MMS22L: variants seen among roughly 807,000 people sequenced by gnomAD.
MMS22L encodes protein MMS22-like.
In MMS22L, 74 loss-of-function variants were observed where a neutral mutation model predicts 159.1. That is an observed-to-expected ratio of 0.47 (90% CI 0.39 to 0.56). MMS22L has a LOEUF of 0.56. MMS22L is among the 20% of genes least tolerant of loss of function. MMS22L has a pLI of 0.00. For missense variants in MMS22L, 1,351 were observed against 1,422.1 expected (o/e 0.95, Z 0.80); for synonymous variants, 517 against 506.9 (o/e 1.02, Z -0.27).
intron 14 of MMS22L, among the ~76,000 whole-genome samples, chr6:97,198,430 T>C (rs2128296712): frequency 6.6e-6 from 1 of 152,282 alleles, no homozygotes; most frequent in East Asian, 1.9e-4. Context: ...TGCCCTTGGC[T>C]TTTCAAAGTC....
intron 9 of MMS22L, among the ~76,000 whole-genome samples, chr6:97,257,706 C>A (rs564772361): frequency 1.3e-5 from 2 of 152,260 alleles, no homozygotes; most frequent in South Asian, 4.2e-4. Context: ...GGGTTACAGG[C>A]ATGAGCCACC....
intron 22 of MMS22L, among the ~76,000 whole-genome samples, chr6:97,157,561 C>T (rs904967827): frequency 8.5e-5 from 13 of 152,162 alleles, no homozygotes; most frequent in Admixed American, 8.5e-4. Context: ...GCCTTTTCTG[C>T]ATCTATTGAG....
Position 97,229,171 on chromosome 6 carries a change from T to A in MMS22L, c.1762A>T (p.Ile588Phe), listed in dbSNP as rs545356400. 1 of 1,614,094 alleles carries A rather than the reference T, an allele frequency of 6.2e-7. No individual in the cohort carries two copies. The highest frequency in any genetic ancestry group is 1.3e-5 in the African/African-American group (1 of 75,036). ...GAAAATTTCTCAGCCAAAACACCAATGTCCAGATTTTTCTGGGCATACATC... is the reference window on the plus strand; with the variant it reads ...GAAAATTTCTCAGCCAAAACACCAAAGTCCAGATTTTTCTGGGCATACATC... ...LLMYAQKNLD[I>F]GVLAEKFSCA... Residue 588 changes from isoleucine (I) to phenylalanine (F), a missense_variant, in exon 14 of 25, where the codon ATT becomes TTT. Coordinates refer to ENST00000683635, the MANE Select transcript of MMS22L (RefSeq NM_001350599.2).
intron 24 of MMS22L, among the ~76,000 whole-genome samples, chr6:97,149,607 T>C (rs149562171): frequency 1.3e-5 from 2 of 152,318 alleles, no homozygotes; most frequent in East Asian, 3.9e-4. Flanking sequence ...ATATACAGCT[T>C]TCTAAAGCGG....
chr6:97,227,045 C>A (rs921909358), intron 14 of MMS22L, among the ~76,000 whole-genome samples: 2 of 151,946 alleles, frequency 1.3e-5, no homozygotes, highest in Admixed American at 6.6e-5. Flanking sequence ...TCTCTTTTGT[C>A]CCCCATTTGT....
At chr6:97,178,411 T>G (rs767443032) in intron 18 of MMS22L, 32 bp downstream of exon 18, 9 of 1,451,496 alleles carry the variant, frequency 6.2e-6, no homozygotes, top group Non-Finnish European at 8.3e-6. Flanking sequence ...TTGTAATTAA[T>G]CTGGACAATT....
Position 97,223,010 on chromosome 6 carries a change from G to A in MMS22L, c.2039+5884C>T, listed in dbSNP as rs538748497. ...TGACTGCTAAAACTATTTGACATTC[G>A]AAGTTTTAAACATAGGCATTTAGTT... On this transcript the variant is annotated intron_variant, in intron 14 of 24. Transcript: ENST00000683635. 2.6e-5 allele frequency among the ~76,000 whole-genome samples: 4 copies of A among 152,136 alleles called. No homozygotes were observed. In the East Asian group the frequency reaches 5.8e-4, roughly 22 times the overall value.
In MMS22L at chr6:97,262,553, G is replaced by A. The variant is rs1016443054; in HGVS notation, c.942+782C>T. On this transcript the variant is annotated intron_variant, in intron 9 of 24. Transcript: ENST00000683635. ...CTAGCTACTCAGGATGCTAAGGCAC[G>A]AGAATTGCTTGAACTGGGAGGCGGA... Among the ~76,000 whole-genome samples the A allele has an allele frequency of 4.6e-5, 7 of 150,976 alleles. No individual in the cohort carries two copies. The South Asian group carries it at 1.3e-3, about 27-fold the overall frequency.
chr6:97,179,798 T>C (rs949896293), intron 16 of MMS22L, among the ~76,000 whole-genome samples: 2 of 152,172 alleles, frequency 1.3e-5, no homozygotes, highest in African/African-American at 4.8e-5. Context: ...TTTTCCTTTT[T>C]CCACTGATGG....
intron 13 of MMS22L, chr6:97,230,872 C>T (rs1029765544): frequency 3.3e-5 from 5 of 153,068 alleles, no homozygotes; most frequent in Admixed American, 3.3e-4. Flanking sequence ...AAGTCCCTAC[C>T]TAGTATTCTC....
chr6:97,270,812 A>T (rs1033692427), intron 6 of MMS22L: 6 of 152,180 alleles, frequency 3.9e-5, no homozygotes, highest in Admixed American at 3.9e-4. Context: ...TGGGTCATTC[A>T]ATAAAAAATA....
intron 14 of MMS22L, among the ~76,000 whole-genome samples, chr6:97,212,339 C>A (rs576743834): frequency 1.4e-4 from 22 of 152,186 alleles, no homozygotes; most frequent in Middle Eastern, 3.4e-3. Flanking sequence ...TAAAAGGGGA[C>A]AGAGATGTGA....
chr6:97,178,640 T>A, intron 17 of MMS22L, 55 bp from the exon 18 acceptor site: 1 of 846,716 alleles, frequency 1.2e-6, no homozygotes, highest in Non-Finnish European at 1.8e-6. Flanking sequence ...ACTATATACA[T>A]AACCACACAT....
At chr6:97,263,621 C>A in intron 8 of MMS22L, 173 bp from the exon 9 acceptor site, 1 of 412,628 alleles carries the variant, frequency 2.4e-6, no homozygotes, top group Non-Finnish European at 4.2e-6. Context: ...AGACAAATTT[C>A]CATTTTAAAA....
In MMS22L at chr6:97,143,044, C is replaced by T. The variant is rs1365067452; in HGVS notation, c.*3762G>A. ...ACTGAATGACTTTTCCACAGTCCTC[C>T]ATGCTTCCTTCCTTGCCATGGAAAC... On this transcript the variant is annotated 3_prime_UTR_variant, in exon 25 of 25. Transcript: ENST00000683635. 1 of 152,600 alleles carries T rather than the reference C, an allele frequency of 6.6e-6. No homozygotes were observed. The highest frequency in any genetic ancestry group is 1.5e-5 in the Non-Finnish European group (1 of 68,016). The allele number at this position is 152,600 out of a possible 1,614,324, so 9.5% of individuals were successfully genotyped here.
At chr6:97,165,560 G>A (rs1802882598) in intron 20 of MMS22L, 103 bp from the exon 21 acceptor site, 7 of 949,332 alleles carry the variant, frequency 7.4e-6, no homozygotes, top group Non-Finnish European at 1.1e-5. Flanking sequence ...AATCATGTGA[G>A]AATATAAAAA....
Position 97,279,327 on chromosome 6 carries a change from C to A in MMS22L, c.291-429G>T, listed in dbSNP as rs144654905. Among the ~76,000 whole-genome samples, 475 of 151,570 alleles carry A rather than the reference C, an allele frequency of 3.1e-3. 3 individuals carry two copies. Among genetic ancestry groups the A allele is most frequent in the African/African-American group, 0.01 (414 of 41,318 alleles). On this transcript the variant is annotated intron_variant, in intron 3 of 24. Transcript: ENST00000683635. ...TGAAACCCCGTCTCTACTAAAAATA[C>A]GAAAAAATTAGCCCGGCATGGTGGC...
At chr6:97,281,051 C>T (rs1816713202) in intron 3 of MMS22L, among the ~76,000 whole-genome samples, 186 bp downstream of exon 3, 2 of 152,270 alleles carry the variant, frequency 1.3e-5, no homozygotes, top group Middle Eastern at 3.4e-3. Context: ...TCTGAAAACG[C>T]AACTCATTAA....
intron 13 of MMS22L, chr6:97,230,616 T>A (rs939100356): frequency 3.3e-5 from 5 of 152,162 alleles, no homozygotes; most frequent in Non-Finnish European, 5.9e-5. Context: ...CTCCAATGAC[T>A]TCTTTTAGCC....
Sources: allele counts gnomAD v4.1 joint callset (sites outside exome capture counted in the v4.1 genomes callset), GRCh38; gene constraint gnomAD v4.1.1; transcripts MANE v1.5; gene names NCBI Gene and HGNC (gene_info 2026-07-23, HGNC 2026-07-21).